NOX4: variants seen among roughly 807,000 people sequenced by gnomAD.
NOX4 encodes NADPH oxidase 4, also known as kidney oxidase-1.
NOX4 carries 69 observed loss-of-function variants against 87.6 expected under a neutral mutation model. That is an observed-to-expected ratio of 0.79 (90% CI 0.65 to 0.96). The LOEUF (loss-of-function observed/expected upper bound fraction) is 0.96, where lower values mean the gene tolerates loss of function less well. NOX4 is among the 40% of genes least tolerant of loss of function. The pLI is 0.00. For missense variants in NOX4, 680 were observed against 681.5 expected, an observed-to-expected ratio of 1.00 and a Z score of 0.02; for synonymous variants, 275 against 238.2, an observed-to-expected ratio of 1.15 and a Z score of -1.42.
chr11:89,556,262 G>A, the NOX4 span, among the ~76,000 whole-genome samples: 1 of 152,024 alleles, frequency 6.6e-6, no homozygotes, highest in African/African-American at 2.4e-5. Flanking sequence ...TGGGAAGAAG[G>A]CATAAGGAGA....
chr11:89,335,083 A>G (rs1945644239), intron 17 of NOX4, among the ~76,000 whole-genome samples: 1 of 151,790 alleles, frequency 6.6e-6, no homozygotes, highest in Non-Finnish European at 1.5e-5. Flanking sequence ...ATATGTTAGA[A>G]ATCACATCTT....
Position 89,402,439 on chromosome 11 carries a change from C to G in NOX4, c.733G>C (p.Glu245Gln), listed in dbSNP as rs201436866. ...TCAGGGAAAGGTTCATGAAAATGTT[C>G]TGAGAAATACTCTGGTAAGGAAATA... ...QNISLPEYFS[E>Q]HFHEPFPEGF... Residue 245 changes from glutamate (E) to glutamine (Q), a missense_variant, in exon 9 of 18, where the codon GAA (glutamate) becomes CAA (glutamine). Coordinates refer to ENST00000263317, the MANE Select transcript of NOX4 (RefSeq NM_016931.5). 106 of 1,612,926 alleles carry G rather than the reference C, an allele frequency of 6.6e-5. No individual in the cohort carries two copies. In the East Asian group the frequency reaches 2.3e-3, roughly 35 times the overall value.
At chr11:89,386,321 C>T (rs1940697910) in intron 11 of NOX4, among the ~76,000 whole-genome samples, 1 of 152,132 alleles carries the variant, frequency 6.6e-6, no homozygotes, top group Non-Finnish European at 1.5e-5. Context: ...TCATAAATAT[C>T]CTGCCCTTGT....
chr11:89,514,848 ATTTAATCAT>A, the NOX4 span, among the ~76,000 whole-genome samples: 1 of 151,962 alleles, frequency 6.6e-6, no homozygotes, highest in African/African-American at 2.4e-5. Flanking sequence ...TGTTGTATAC[ATTTAATCAT>A]TTTATATGTT....
the NOX4 span, among the ~76,000 whole-genome samples, chr11:89,584,761 G>A: frequency 6.6e-6 from 1 of 151,986 alleles, no homozygotes; most frequent in Non-Finnish European, 1.5e-5. Flanking sequence ...ACCTGAAAAA[G>A]AATGACTAAA....
At chr11:89,497,056 G>C (rs114796314), upstream of NOX4, among the ~76,000 whole-genome samples, 889 of 152,256 alleles carry the variant, frequency 5.8e-3, 8 homozygotes, top group African/African-American at 0.02. Context: ...ACTTCTACCT[G>C]TTCTTAGTTC....
At chr11:89,357,840 T>C (rs534658839) in intron 12 of NOX4, among the ~76,000 whole-genome samples, 1 of 152,138 alleles carries the variant, frequency 6.6e-6, no homozygotes, top group African/African-American at 2.4e-5. Context: ...AAAGGACATA[T>C]GACAATAATT....
At chr11:89,340,734 T>A (rs1321336907) in intron 14 of NOX4, among the ~76,000 whole-genome samples, 1 of 152,192 alleles carries the variant, frequency 6.6e-6, no homozygotes, top group Non-Finnish European at 1.5e-5. Flanking sequence ...TAATTCCAAG[T>A]CTGGATCCCC....
chr11:89,523,531 A>G, the NOX4 span, among the ~76,000 whole-genome samples: 1 of 152,194 alleles, frequency 6.6e-6, no homozygotes, highest in Non-Finnish European at 1.5e-5. Context: ...AGGCTTTGTT[A>G]TTTAACTGTT....
chr11:89,404,178 A>G (rs1036025459), intron 8 of NOX4, among the ~76,000 whole-genome samples: 2 of 152,172 alleles, frequency 1.3e-5, no homozygotes, highest in Admixed American at 6.6e-5. Context: ...AATTGCTGGG[A>G]TATTATACTT....
At chr11:89,490,624 C>T (rs752439761) in intron 1 of NOX4, 71 bp from the exon 2 acceptor site, 6 of 1,096,422 alleles carry the variant, frequency 5.5e-6, no homozygotes, top group Non-Finnish European at 8.4e-6. Context: ...ATAGAAACCA[C>T]AGGTAAATTC....
the NOX4 span, among the ~76,000 whole-genome samples, chr11:89,525,848 T>G: frequency 6.6e-6 from 1 of 152,278 alleles, no homozygotes; most frequent in South Asian, 2.1e-4. Flanking sequence ...GTTTAGATTT[T>G]ATATTCATGT....
the NOX4 span, among the ~76,000 whole-genome samples, chr11:89,523,088 G>A: frequency 4.6e-5 from 7 of 151,974 alleles, no homozygotes; most frequent in East Asian, 1.9e-4. Context: ...GCAGTGGCGC[G>A]ATTTTGGATC....
chr11:89,467,843 T>C (rs1245004705), intron 2 of NOX4, among the ~76,000 whole-genome samples: 1 of 152,210 alleles, frequency 6.6e-6, no homozygotes, highest in African/African-American at 2.4e-5. Context: ...TTATTCTCAA[T>C]GAAGTGTGGA....
the NOX4 span, among the ~76,000 whole-genome samples, chr11:89,571,677 T>C: frequency 7.2e-6 from 1 of 138,116 alleles, no homozygotes; most frequent in Non-Finnish European, 1.6e-5. Flanking sequence ...AAAACATGCA[T>C]TGTTTACTTT....
chr11:89,533,879 C>T, the NOX4 span: 2 of 152,264 alleles, frequency 1.3e-5, no homozygotes, highest in Non-Finnish European at 1.5e-5. Flanking sequence ...CCACATCCTT[C>T]CCCTGAAACA....
chr11:89,587,004 T>G, the NOX4 span, among the ~76,000 whole-genome samples: 1 of 152,122 alleles, frequency 6.6e-6, no homozygotes, highest in South Asian at 2.1e-4. Context: ...GAGATTTTAT[T>G]TAGTTTTATG....
At chr11:89,497,190 G>T (rs1378354122), upstream of NOX4, among the ~76,000 whole-genome samples, 1 of 152,168 alleles carries the variant, frequency 6.6e-6, no homozygotes, top group Non-Finnish European at 1.5e-5. Flanking sequence ...AGACTGTTGT[G>T]TCTATTGTTT....
At chr11:89,330,802 A>C (rs1180640726) in intron 17 of NOX4, among the ~76,000 whole-genome samples, 3 of 151,976 alleles carry the variant, frequency 2.0e-5, no homozygotes, top group Non-Finnish European at 4.4e-5. Context: ...ATTTTCATTA[A>C]ATTAAATGTA....
Sources: allele counts gnomAD v4.1 joint callset (sites outside exome capture counted in the v4.1 genomes callset), GRCh38; gene constraint gnomAD v4.1.1; transcripts MANE v1.5; gene names NCBI Gene and HGNC (gene_info 2026-07-23, HGNC 2026-07-21).